Variants in GSK3B observed in about 807,000 individuals in gnomAD.
The protein encoded by GSK3B is glycogen synthase kinase 3 beta.
GSK3B carries 15 observed loss-of-function variants against 56.4 expected under a neutral mutation model. That is an observed-to-expected ratio of 0.27 (90% CI 0.18 to 0.41). GSK3B has a LOEUF of 0.41. GSK3B is among the 10% of genes least tolerant of loss of function. The pLI is 1.00. For synonymous variants in GSK3B, 181 were observed against 188.9 expected (o/e 0.96, Z 0.34); for missense variants, 300 against 513.4 (o/e 0.58, Z 4.02).
chr3:119,863,261 G>A (rs1348753232), intron 9 of GSK3B, among the ~76,000 whole-genome samples, 158 bp downstream of exon 9: 1 of 152,204 alleles, frequency 6.6e-6, no homozygotes, highest in South Asian at 2.1e-4. Context: ...AACCATGTAA[G>A]TAGTGGCCAG....
chr3:119,965,376 T>A (rs1242303649), intron 2 of GSK3B, among the ~76,000 whole-genome samples: 10 of 151,376 alleles, frequency 6.6e-5, no homozygotes, highest in Non-Finnish European at 1.0e-4. Context: ...TTTTTTTTTT[T>A]ATTTTTATAG....
chr3:119,873,682 T>A (rs2056274656), intron 8 of GSK3B, among the ~76,000 whole-genome samples: 1 of 152,142 alleles, frequency 6.6e-6, no homozygotes, highest in South Asian at 2.1e-4. Context: ...ATAACCTATT[T>A]AAAAAAACCA....
chr3:119,912,984 A>G (rs2056750052), intron 5 of GSK3B, among the ~76,000 whole-genome samples, 174 bp from the exon 6 acceptor site: 1 of 152,154 alleles, frequency 6.6e-6, no homozygotes, highest in South Asian at 2.1e-4. Context: ...GAAATTTACA[A>G]TTTTATCACC....
intron 1 of GSK3B, among the ~76,000 whole-genome samples, chr3:120,042,949 A>G (rs149108200): frequency 1.4e-3 from 209 of 152,286 alleles, no homozygotes; most frequent in African/African-American, 4.9e-3. Context: ...GGCTCTACAG[A>G]CTGCCTTATT....
At chr3:119,883,988 G>A (rs907993608) in intron 7 of GSK3B, among the ~76,000 whole-genome samples, 7 of 152,122 alleles carry the variant, frequency 4.6e-5, no homozygotes, top group Non-Finnish European at 7.4e-5. Context: ...AGAGCTTGAG[G>A]CTAAAAGAAC....
At chr3:119,976,739 T>C (rs1271049534) in intron 2 of GSK3B, among the ~76,000 whole-genome samples, 1 of 115,706 alleles carries the variant, frequency 8.6e-6, no homozygotes, top group East Asian at 2.4e-4. Context: ...TATAAATAAA[T>C]ATATCAAGCA....
Position 119,826,197 on chromosome 3 carries a change from C to T in GSK3B, c.*591G>A, listed in dbSNP as rs970451838. On this transcript the variant is annotated 3_prime_UTR_variant, in exon 11 of 11. Coordinates refer to ENST00000264235, the MANE Select transcript of GSK3B (RefSeq NM_001146156.2). ...AAACTTTATTGACCTCCCTGGGTTA[C>T]GAATGATACACATTTCTTTGTCTGC... The T allele has an allele frequency of 1.5e-5, 4 of 264,488 alleles. No homozygotes were observed. Among genetic ancestry groups the T allele is most frequent in the East Asian group, 6.0e-5 (1 of 16,534 alleles). 16.4% of individuals were successfully genotyped at this position (264,488 alleles called of 1,614,324 possible). A position where few individuals can be genotyped will look rare whatever the true frequency, so the allele number is the denominator to read the frequency against.
At chr3:119,893,502 A>G (rs1460455899) in intron 7 of GSK3B, among the ~76,000 whole-genome samples, 2 of 152,172 alleles carry the variant, frequency 1.3e-5, no homozygotes, top group Non-Finnish European at 2.9e-5. Context: ...AGCTGCAGCA[A>G]TATGAGTCTT....
chr3:119,933,605 G>A (rs879700956), intron 3 of GSK3B, among the ~76,000 whole-genome samples: 1 of 152,106 alleles, frequency 6.6e-6, no homozygotes, highest in Non-Finnish European at 1.5e-5. Context: ...CGCCAAGCGC[G>A]GTGGCTCACG....
chr3:119,862,501 G>T (rs2056118112), intron 9 of GSK3B, among the ~76,000 whole-genome samples: 1 of 100,826 alleles, frequency 9.9e-6, no homozygotes, highest in Non-Finnish European at 2.0e-5. Flanking sequence ...ATGTGCACAT[G>T]TACCCTAAAA....
intron 2 of GSK3B, among the ~76,000 whole-genome samples, chr3:120,000,881 T>C (rs916687096): frequency 6.6e-6 from 1 of 151,082 alleles, no homozygotes; most frequent in Non-Finnish European, 1.5e-5. Context: ...GTTTGGATGT[T>C]TATCCCTTTC....
intron 2 of GSK3B, among the ~76,000 whole-genome samples, chr3:119,974,501 A>T (rs2057393980): frequency 6.6e-6 from 1 of 152,168 alleles, no homozygotes; most frequent in South Asian, 2.1e-4. Context: ...AGGACACAGC[A>T]AGAAGGCACT....
At chr3:119,931,476 C>T (rs565751451) in intron 3 of GSK3B, among the ~76,000 whole-genome samples, 2 of 152,062 alleles carry the variant, frequency 1.3e-5, no homozygotes, top group East Asian at 1.9e-4. Flanking sequence ...GTTAGCCAGG[C>T]GTGGTGGCAT....
chr3:120,083,839 T>C (rs1312641813), intron 1 of GSK3B, among the ~76,000 whole-genome samples: 1 of 152,222 alleles, frequency 6.6e-6, no homozygotes, highest in Non-Finnish European at 1.5e-5. Context: ...GAAGTACTAA[T>C]ACATGCTATA....
rs1204106059 is a variant in GSK3B, at chr3:119,825,950, C to A, written c.*838G>T. 2 of 214,996 alleles carry A rather than the reference C, an allele frequency of 9.3e-6. No homozygotes were observed. Among genetic ancestry groups the A allele is most frequent in the East Asian group, 1.4e-4 (2 of 14,404 alleles). The allele number at this position is 214,996 out of a possible 1,614,324, so 13.3% of individuals were successfully genotyped here. A position where few individuals can be genotyped will look rare whatever the true frequency, so the allele number is the denominator to read the frequency against. ...AGCAGCTAGCTCAGCCTGCTCAACA[C>A]CCCTTCCATCTCCTCCCAGGTCACT... is the stretch of plus-strand genomic sequence containing the variant. On this transcript the variant is annotated 3_prime_UTR_variant, in exon 11 of 11. Transcript: ENST00000264235.
At position 120,093,366 on chromosome 3, in the gene GSK3B, A is replaced by T. The variant is rs769312285; in HGVS notation, c.69T>A (p.Phe23Leu). The change falls in exon 1 of 11, where the codon TTT (phenylalanine) becomes TTA (leucine). Residue 23 changes from phenylalanine (F) to leucine (L), a missense_variant. Around this residue, in one of 6 missense-constraint regions of GSK3B, gnomAD observed 53 missense variants for 64.6 expected, o/e 0.82. Transcript: ENST00000264235. ...ACTCACTGCTAACTTTCATGCTGCC[A>T]AAAGCTGAAGGCTGCTGCACCGGCT... ...SCKPVQQPSA[F>L]GSMKVSRDKD... 1.9e-6 allele frequency: 3 copies of T among 1,613,172 alleles called. No homozygotes were observed. The highest frequency in any genetic ancestry group is 1.7e-6 in the Non-Finnish European group (2 of 1,179,126).
intron 1 of GSK3B, among the ~76,000 whole-genome samples, chr3:120,062,963 T>C (rs1331700687): frequency 6.6e-6 from 1 of 152,174 alleles, no homozygotes; most frequent in African/African-American, 2.4e-5. Flanking sequence ...AAAATATGTA[T>C]GTAGTATCAA....
chr3:120,029,011 T>C lies in GSK3B; in HGVS notation c.89-26772A>G, dbSNP rs542959065. The C allele has an allele frequency of 6.9e-5, 43 of 624,782 alleles. 1 individual carries two copies. In the South Asian group the frequency reaches 7.2e-4, roughly 10 times the overall value. The allele number at this position is 624,782 out of a possible 1,614,324, so 38.7% of individuals were successfully genotyped here. A position where few individuals can be genotyped will look rare whatever the true frequency, so the allele number is the denominator to read the frequency against. On this transcript the variant is annotated intron_variant, in intron 1 of 10. Transcript: ENST00000264235. ...AGAAACGGCCTTTTATCCTTCTTTG[T>C]ATCCTATAGGGACTCTCATAAAATC... is the stretch of plus-strand genomic sequence containing the variant.
At chr3:119,966,118 C>A (rs2057316443) in intron 2 of GSK3B, among the ~76,000 whole-genome samples, 1 of 152,184 alleles carries the variant, frequency 6.6e-6, no homozygotes, top group South Asian at 2.1e-4. Flanking sequence ...CTCCTTGTAA[C>A]CTACACAACA....
Sources: allele counts gnomAD v4.1 joint callset (sites outside exome capture counted in the v4.1 genomes callset), GRCh38; gene constraint gnomAD v4.1.1; regional missense constraint gnomAD v4.1.1; transcripts MANE v1.5; gene names NCBI Gene and HGNC (gene_info 2026-07-23, HGNC 2026-07-21).